Variants in MTUS2 observed in about 807,000 individuals in gnomAD.
MTUS2 encodes microtubule-associated tumor suppressor candidate 2.
MTUS2 carries 40 observed loss-of-function variants against 114.1 expected under a neutral mutation model. The ratio of observed to expected loss-of-function variants is 0.35; its 90% CI spans 0.27 to 0.46. The LOEUF (loss-of-function observed/expected upper bound fraction) is 0.46. Ranked by LOEUF, MTUS2 falls within the 20% of genes least tolerant of loss-of-function variation. MTUS2 has a pLI of 1.00. For missense variants in MTUS2, 1,679 were observed against 1,705.4 expected, an observed-to-expected ratio of 0.98 and a Z score of 0.27; for synonymous variants, 688 against 672.0, an observed-to-expected ratio of 1.02 and a Z score of -0.37.
intron 6 of MTUS2, chr13:29,307,518 C>A: frequency 8.0e-7 from 1 of 1,256,112 alleles, no homozygotes; most frequent in Non-Finnish European, 1.2e-6. Flanking sequence ...ATCTGACCTG[C>A]TGTCTTGAAA....
intron 5 of MTUS2, among the ~76,000 whole-genome samples, chr13:29,224,524 C>G (rs79281498): frequency 0.011 from 1,648 of 151,806 alleles, 26 homozygotes; most frequent in African/African-American, 0.038. Flanking sequence ...CTAATTATAT[C>G]TCTCCTATAT....
intron 8 of MTUS2, among the ~76,000 whole-genome samples, chr13:29,405,368 C>T (rs3923625): frequency 6.6e-6 from 1 of 152,148 alleles, no homozygotes; most frequent in East Asian, 1.9e-4. Flanking sequence ...GACTTCTTTA[C>T]TATCCAAATA....
intron 5 of MTUS2, among the ~76,000 whole-genome samples, chr13:29,256,983 G>T (rs1897301168): frequency 6.6e-6 from 1 of 152,120 alleles, no homozygotes; most frequent in Non-Finnish European, 1.5e-5. Flanking sequence ...CTACATTGTT[G>T]CAAAATAAAA....
rs771892127 is a variant in MTUS2 at position 29,359,366 on chromosome 13, C to A, written c.3010C>A (p.Arg1004=). The A allele has an allele frequency of 6.8e-6, 11 of 1,612,680 alleles. No homozygotes were observed. Among genetic ancestry groups the A allele is most frequent in the African/African-American group, 1.3e-5 (1 of 74,914 alleles). Residue 1004 remains arginine (R), a synonymous_variant, in exon 8 of 16, where the codon CGG becomes AGG. Transcript: ENST00000612955. ...GCAGCTGGTGCTGCGGCTGAAGGAG[C>A]GGTGTGAGCAGCAGACCAGACAGCT... is the stretch of plus-strand genomic sequence containing the variant. The part of the protein sequence containing the change: ...ERQLVLRLKE[R]CEQQTRQLGV...
At chr13:28,964,179 T>C (rs1883467779) in intron 2 of MTUS2, among the ~76,000 whole-genome samples, 1 of 152,110 alleles carries the variant, frequency 6.6e-6, no homozygotes, top group Non-Finnish European at 1.5e-5. Flanking sequence ...CCTAATTCTT[T>C]CCTCCCCAAC....
chr13:29,388,048 G>A (rs1872747973), intron 8 of MTUS2, among the ~76,000 whole-genome samples: 1 of 152,022 alleles, frequency 6.6e-6, no homozygotes. Flanking sequence ...GCACACCTAT[G>A]GCTCTGAGGA....
chr13:29,360,961 G>A (rs1472016335), intron 8 of MTUS2, among the ~76,000 whole-genome samples: 1 of 152,066 alleles, frequency 6.6e-6, no homozygotes, highest in African/African-American at 2.4e-5. Flanking sequence ...TTCATATGAT[G>A]GACAAAGCAA....
At chr13:29,122,853 C>T (rs1891367443) in intron 5 of MTUS2, among the ~76,000 whole-genome samples, 1 of 152,184 alleles carries the variant, frequency 6.6e-6, no homozygotes, top group African/African-American at 2.4e-5. Flanking sequence ...CTCCTTCAAT[C>T]CTTTTAAACT....
chr13:29,036,648 CTT>C (rs1392798049), intron 4 of MTUS2, among the ~76,000 whole-genome samples: 2 of 152,192 alleles, frequency 1.3e-5, no homozygotes, highest in African/African-American at 4.8e-5. Context: ...GTCTAAGTCT[CTT>C]TGTAGGTCTC....
At chr13:29,471,337 A>C (rs1880277548) in intron 9 of MTUS2, among the ~76,000 whole-genome samples, 1 of 152,104 alleles carries the variant, frequency 6.6e-6, no homozygotes, top group Admixed American at 6.6e-5. Flanking sequence ...ACTCCATCTC[A>C]AAAATAATAA....
chr13:28,883,700 TG>T (rs1222867712), intron 2 of MTUS2, among the ~76,000 whole-genome samples: 1 of 152,150 alleles, frequency 6.6e-6, no homozygotes, highest in African/African-American at 2.4e-5. Flanking sequence ...TTTGTGGTGA[TG>T]GAGCAGTTCA....
chr13:29,400,003 A>C (rs757088872), intron 8 of MTUS2, among the ~76,000 whole-genome samples: 2 of 152,240 alleles, frequency 1.3e-5, no homozygotes, highest in Non-Finnish European at 2.9e-5. Context: ...GAGTATCTAC[A>C]AAAGGAGAAG....
At chr13:29,394,933 G>T (rs1261976291) in intron 8 of MTUS2, among the ~76,000 whole-genome samples, 1 of 152,162 alleles carries the variant, frequency 6.6e-6, no homozygotes, top group Non-Finnish European at 1.5e-5. Context: ...CCACCCGCCT[G>T]TCTGTGGAAA....
Position 29,043,284 on chromosome 13 carries a change from G to A in MTUS2, c.2446+9159G>A, listed in dbSNP as rs968572987. On this transcript the variant is annotated intron_variant, in intron 4 of 15. Coordinates refer to ENST00000612955, the MANE Select transcript of MTUS2 (RefSeq NM_001033602.4). The stretch of plus-strand genomic sequence containing the variant: ...AATTGATTTCCAGTTTTATTCCACT[G>A]TAGTTTGAGAGAGTACTTGATATAA... 9.7e-4 allele frequency among the ~76,000 whole-genome samples: 148 copies of A among 152,176 alleles called. 1 individual carries two copies. Among genetic ancestry groups the A allele is most frequent in the African/African-American group, 3.5e-3 (144 of 41,522 alleles).
At chr13:29,295,525 A>G (rs937941763) in intron 6 of MTUS2, among the ~76,000 whole-genome samples, 1 of 152,044 alleles carries the variant, frequency 6.6e-6, no homozygotes, top group African/African-American at 2.4e-5. Flanking sequence ...TTTAGTATTT[A>G]TCTTTGTGTG....
chr13:29,030,669 A>G (rs536296105), intron 3 of MTUS2, among the ~76,000 whole-genome samples: 3 of 152,334 alleles, frequency 2.0e-5, no homozygotes, highest in East Asian at 1.9e-4. Context: ...GTCTCTAGGA[A>G]AAGAACACAT....
intron 8 of MTUS2, among the ~76,000 whole-genome samples, chr13:29,365,738 G>A (rs935600812): frequency 1.3e-5 from 2 of 152,138 alleles, no homozygotes; most frequent in African/African-American, 4.8e-5. Flanking sequence ...AGGCCACAGA[G>A]CAGATGAGGT....
chr13:28,847,074 G>GA (rs1378427668), intron 2 of MTUS2, among the ~76,000 whole-genome samples: 2 of 152,166 alleles, frequency 1.3e-5, no homozygotes, highest in Admixed American at 6.5e-5. Context: ...TTAATTGGGG[G>GA]TGATGTGGAA....
At chr13:29,091,382 AT>A (rs1402111549) in intron 4 of MTUS2, among the ~76,000 whole-genome samples, 1 of 152,034 alleles carries the variant, frequency 6.6e-6, no homozygotes, top group African/African-American at 2.4e-5. Flanking sequence ...GAGGGTCAGG[AT>A]TTTTGTGGCT....
Sources: allele counts gnomAD v4.1 joint callset (sites outside exome capture counted in the v4.1 genomes callset), GRCh38; gene constraint gnomAD v4.1.1; transcripts MANE v1.5; gene names NCBI Gene and HGNC (gene_info 2026-07-23, HGNC 2026-07-21).